TAB1: variants seen among roughly 807,000 people sequenced by gnomAD.
TAB1 encodes TGF-beta-activated kinase 1 and MAP3K7-binding protein 1.
TAB1 carries 30 observed loss-of-function variants against 54.5 expected under a neutral mutation model. The ratio of observed to expected loss-of-function variants is 0.55; its 90% confidence interval spans 0.41 to 0.75. The LOEUF (loss-of-function observed/expected upper bound fraction) is 0.75, where lower values mean the gene tolerates loss of function less well. Among genes scored for constraint, TAB1 ranks in the 30% least tolerant of loss-of-function variants. The pLI, the probability that TAB1 is intolerant of heterozygous loss-of-function variation, is 0.00. For synonymous variants in TAB1, 289 were observed against 286.9 expected, an observed-to-expected ratio of 1.01 and a Z score of -0.07; for missense variants, 609 against 683.2, an observed-to-expected ratio of 0.89 and a Z score of 1.21.
chr22:39,435,917 C>T (rs1183956599), downstream of TAB1, among the ~76,000 whole-genome samples: 1 of 152,168 alleles, frequency 6.6e-6, no homozygotes, highest in Admixed American at 6.5e-5. Context: ...CCTGGGCGAC[C>T]TTGGCCCATA....
At chr22:39,425,426 T>A (rs1179577510) in intron 8 of TAB1, among the ~76,000 whole-genome samples, 5 of 152,008 alleles carry the variant, frequency 3.3e-5, no homozygotes, top group Non-Finnish European at 5.9e-5. Context: ...TCTTATATAA[T>A]AATGAAAATA....
chr22:39,401,443 T>G (rs1163907391), intron 1 of TAB1, among the ~76,000 whole-genome samples: 5 of 152,264 alleles, frequency 3.3e-5, no homozygotes, highest in African/African-American at 1.2e-4. Context: ...GGTCCCTGTA[T>G]AACTGTCCCC....
chr22:39,401,051 A>G (rs1926119871), intron 1 of TAB1, among the ~76,000 whole-genome samples: 1 of 151,866 alleles, frequency 6.6e-6, no homozygotes, highest in African/African-American at 2.4e-5. Context: ...AAAAAAAAAA[A>G]AAAAACGAAA....
Position 39,420,928 on chromosome 22 carries a change from T to G in TAB1, c.777-899T>G, listed in dbSNP as rs192666931. The stretch of plus-strand genomic sequence containing the variant: ...TGTGTGTGTGTGTGTGTGTGTGTGT[T>G]TGTCCTGGGGGCCAAGGAGCCTGCA... On this transcript the variant is annotated intron_variant, in intron 7 of 10. Transcript: ENST00000216160. 7.0e-3 allele frequency among the ~76,000 whole-genome samples: 574 copies of G among 82,102 alleles called. 17 individuals are homozygous for G. The highest frequency in any genetic ancestry group is 0.01 in the Admixed American group (83 of 8,088). The allele number at this position is 82,102 out of a possible 152,430, so 53.9% of individuals were successfully genotyped here.
intron 1 of TAB1, among the ~76,000 whole-genome samples, chr22:39,403,865 C>T (rs1483574130): frequency 2.6e-5 from 4 of 151,954 alleles, no homozygotes; most frequent in Non-Finnish European, 4.4e-5. Flanking sequence ...AGGATGGTCT[C>T]GATCTCCTGA....
chr22:39,402,031 T>C (rs1413538873), intron 1 of TAB1, among the ~76,000 whole-genome samples: 2 of 152,172 alleles, frequency 1.3e-5, no homozygotes, highest in Admixed American at 6.5e-5. Flanking sequence ...CCTGGGGCAC[T>C]GTCTTGTTAT....
chr22:39,429,598 C>T (rs1323876272), intron 10 of TAB1, among the ~76,000 whole-genome samples: 2 of 152,150 alleles, frequency 1.3e-5, no homozygotes, highest in African/African-American at 4.8e-5. Flanking sequence ...CTGCCTCAAC[C>T]TCCCGAGCAG....
At chr22:39,414,251 G>T (rs1261758955) in intron 1 of TAB1, among the ~76,000 whole-genome samples, 1 of 152,190 alleles carries the variant, frequency 6.6e-6, no homozygotes, top group Non-Finnish European at 1.5e-5. Flanking sequence ...TAGGGAAGAA[G>T]AGGGAGGGTG....
chr22:39,419,571 C>T lies in TAB1; in HGVS notation c.717C>T (p.Ser239=), dbSNP rs1180974679. The T allele has an allele frequency of 1.2e-6, 2 of 1,613,192 alleles. No homozygotes were observed. Among genetic ancestry groups the T allele is most frequent in the Non-Finnish European group, 1.7e-6 (2 of 1,179,486 alleles). Residue 239 remains serine, a synonymous_variant, in exon 7 of 11, where the codon AGC becomes AGT. Coordinates refer to ENST00000216160, the MANE Select transcript of TAB1 (RefSeq NM_006116.3). The part of the protein sequence containing the change: ...KQVGIICGQE[S]TRRIGDYKVK... ...TGGGGATCATCTGTGGGCAGGAGAG[C>T]ACCCGGCGGATCGGGGATTACAAGG...
At chr22:39,410,034 G>A (rs537346468) in intron 1 of TAB1, among the ~76,000 whole-genome samples, 20 of 152,298 alleles carry the variant, frequency 1.3e-4, no homozygotes, top group East Asian at 5.8e-4. Flanking sequence ...TATGTTAAGA[G>A]AGGCATTAAT....
At chr22:39,417,446 C>A (rs1244972520) in intron 4 of TAB1, among the ~76,000 whole-genome samples, 1 of 152,130 alleles carries the variant, frequency 6.6e-6, no homozygotes, top group African/African-American at 2.4e-5. Flanking sequence ...TGGTGAAACC[C>A]CGTCTCTACT....
chr22:39,403,740 G>A lies in TAB1; in HGVS notation c.33+3905G>A, dbSNP rs189681961. The stretch of plus-strand genomic sequence containing the variant: ...TGCAAGCTCCGCCTCCCAGGTTCAC[G>A]CCATTCTCCTGCCTCAGCCTCCCAA... On this transcript the variant is annotated intron_variant, in intron 1 of 10. Coordinates refer to ENST00000216160, the MANE Select transcript of TAB1 (RefSeq NM_006116.3). 1.2e-3 allele frequency among the ~76,000 whole-genome samples: 185 copies of A among 150,278 alleles called. 1 individual carries two copies. Among genetic ancestry groups the A allele is most frequent in the African/African-American group, 4.3e-3 (174 of 40,904 alleles).
chr22:39,400,991 G>T (rs35705918), intron 1 of TAB1, among the ~76,000 whole-genome samples: 6,205 of 143,240 alleles, frequency 0.043, 457 homozygotes, highest in African/African-American at 0.15. Context: ...CCAAGATCGG[G>T]CCACTGCACT....
At chr22:39,407,054 C>T (rs1926398397) in intron 1 of TAB1, among the ~76,000 whole-genome samples, 1 of 152,212 alleles carries the variant, frequency 6.6e-6, no homozygotes. Flanking sequence ...TTTCGACAGT[C>T]TGGAAGGCTG....
intron 8 of TAB1, 37 bp downstream of exon 8, chr22:39,422,008 G>A (rs371839531): frequency 8.1e-6 from 12 of 1,489,482 alleles, no homozygotes; most frequent in Middle Eastern, 1.9e-4. Context: ...GCCGGAGAGC[G>A]TGGCTGGCCT....
downstream of TAB1, chr22:39,436,491 G>C: frequency 1.2e-6 from 2 of 1,613,152 alleles, no homozygotes. Flanking sequence ...GATTTTCAGA[G>C]ACCCTTCCAG....
intron 7 of TAB1, 105 bp downstream of exon 7, chr22:39,419,735 C>T (rs572175741): frequency 4.3e-5 from 29 of 679,546 alleles, no homozygotes; most frequent in African/African-American, 4.0e-4. Context: ...TGCAGTGAGC[C>T]GTGATCATGC....
chr22:39,427,808 C>T (rs139086995), intron 9 of TAB1, among the ~76,000 whole-genome samples: 14 of 152,324 alleles, frequency 9.2e-5, no homozygotes, highest in African/African-American at 3.4e-4. Flanking sequence ...AAGGAGTTCT[C>T]AGCCCGGCCT....
At chr22:39,427,043 G>C in intron 9 of TAB1, 118 bp downstream of exon 9, 1 of 993,572 alleles carries the variant, frequency 1.0e-6, no homozygotes, top group Non-Finnish European at 1.5e-6. Flanking sequence ...GGCTCTGAGT[G>C]GCTCTAATTC....
Sources: allele counts gnomAD v4.1 joint callset (sites outside exome capture counted in the v4.1 genomes callset), GRCh38; gene constraint gnomAD v4.1.1; transcripts MANE v1.5; gene names NCBI Gene and HGNC (gene_info 2026-07-23, HGNC 2026-07-21).